SLC24A2: variants seen among roughly 807,000 people sequenced by gnomAD.
The protein encoded by SLC24A2 is solute carrier family 24 member 2.
SLC24A2 carries 36 observed loss-of-function variants against 62.0 expected under a neutral mutation model. That is an observed-to-expected ratio of 0.58 (90% CI 0.44 to 0.77). The LOEUF (loss-of-function observed/expected upper bound fraction) is 0.77. Ranked by LOEUF, SLC24A2 falls within the 30% of genes least tolerant of loss-of-function variation. The pLI is 0.00. For synonymous variants in SLC24A2, 358 were observed against 294.0 expected (o/e 1.22, Z -2.23); for missense variants, 846 against 817.9 (o/e 1.03, Z -0.42).
chr9:20,204,928 G>A, the SLC24A2 span, among the ~76,000 whole-genome samples: 1 of 151,732 alleles, frequency 6.6e-6, no homozygotes. Flanking sequence ...TCTATTTTTA[G>A]TACAGACGGG....
the SLC24A2 span, chr9:19,929,472 A>C: frequency 6.6e-6 from 1 of 152,200 alleles, no homozygotes; most frequent in Non-Finnish European, 1.5e-5. Context: ...CAGGACCTGA[A>C]AATATCCTAT....
rs1213523344 is a variant in SLC24A2, at chr9:19,610,370, T to C, written c.1078+9214A>G. Among the ~76,000 whole-genome samples the C allele has an allele frequency of 2.6e-5, 4 of 152,330 alleles. No homozygotes were observed. In the East Asian group the frequency reaches 5.8e-4, roughly 22 times the overall value. On this transcript the variant is annotated intron_variant, in intron 4 of 10. Coordinates refer to ENST00000341998, the MANE Select transcript of SLC24A2 (RefSeq NM_020344.4). ...TTGATTTTGTAAAAGGAATGAATGGTTAAAACAATAAACATCTTAGCTTCT... is the reference window on the plus strand; with the variant it reads ...TTGATTTTGTAAAAGGAATGAATGGCTAAAACAATAAACATCTTAGCTTCT...
chr9:19,718,037 C>T (rs1187586736), intron 2 of SLC24A2, among the ~76,000 whole-genome samples: 15 of 144,548 alleles, frequency 1.0e-4, no homozygotes, highest in East Asian at 6.2e-4. Flanking sequence ...AGTGCAGTGG[C>T]GCAATCTCAG....
At chr9:19,848,310 C>T in the SLC24A2 span, among the ~76,000 whole-genome samples, 10 of 152,204 alleles carry the variant, frequency 6.6e-5, no homozygotes, top group Middle Eastern at 3.4e-3. Context: ...GAAAATATTA[C>T]GCTAAACATT....
chr9:19,532,757 T>G (rs1833769628), intron 8 of SLC24A2, among the ~76,000 whole-genome samples: 1 of 152,192 alleles, frequency 6.6e-6, no homozygotes, highest in South Asian at 2.1e-4. Flanking sequence ...GCTTGGCACA[T>G]AGTAGACACT....
chr9:19,700,523 C>G (rs559892042), intron 2 of SLC24A2, among the ~76,000 whole-genome samples: 1 of 152,244 alleles, frequency 6.6e-6, no homozygotes, highest in African/African-American at 2.4e-5. Flanking sequence ...ACAAAGTAAG[C>G]AGAACTTGGG....
chr9:20,014,167 C>G, the SLC24A2 span, among the ~76,000 whole-genome samples: 1 of 152,170 alleles, frequency 6.6e-6, no homozygotes, highest in Non-Finnish European at 1.5e-5. Context: ...ATGATCATGC[C>G]ACTGCATGCC....
chr9:19,579,607 C>T (rs1054219572), intron 5 of SLC24A2, among the ~76,000 whole-genome samples: 1 of 152,108 alleles, frequency 6.6e-6, no homozygotes, highest in Non-Finnish European at 1.5e-5. Flanking sequence ...TCAATATTTG[C>T]TATTGGAAAA....
chr9:19,663,236 G>T (rs2118255194), intron 2 of SLC24A2, among the ~76,000 whole-genome samples: 1 of 152,322 alleles, frequency 6.6e-6, no homozygotes, highest in East Asian at 1.9e-4. Flanking sequence ...GCTCAAGGCT[G>T]CACAGCTAGT....
chr9:19,714,339 G>T (rs367667421), intron 2 of SLC24A2, among the ~76,000 whole-genome samples: 2 of 152,104 alleles, frequency 1.3e-5, no homozygotes, highest in East Asian at 3.9e-4. Flanking sequence ...AACCATAAAG[G>T]CAGCATCCCA....
At chr9:19,978,753 G>A in the SLC24A2 span, among the ~76,000 whole-genome samples, 4 of 152,216 alleles carry the variant, frequency 2.6e-5, no homozygotes, top group Non-Finnish European at 4.4e-5. Flanking sequence ...GCAGAATTGA[G>A]GTGATTGAAG....
chr9:19,734,190 A>G (rs971162226), intron 2 of SLC24A2, among the ~76,000 whole-genome samples: 2 of 152,042 alleles, frequency 1.3e-5, no homozygotes, highest in South Asian at 2.1e-4. Flanking sequence ...AAGATCAGAT[A>G]GTTGTAGATA....
chr9:19,844,651 G>T, the SLC24A2 span, among the ~76,000 whole-genome samples: 1 of 151,870 alleles, frequency 6.6e-6, no homozygotes, highest in Non-Finnish European at 1.5e-5. Flanking sequence ...ATATTTTGAC[G>T]TCTTACATTT....
At chr9:20,054,092 G>T in the SLC24A2 span, among the ~76,000 whole-genome samples, 31 of 152,138 alleles carry the variant, frequency 2.0e-4, no homozygotes, top group African/African-American at 7.2e-4. Flanking sequence ...AATTTCAATA[G>T]TCTTGGGGAA....
the SLC24A2 span, among the ~76,000 whole-genome samples, chr9:20,277,035 T>C: frequency 6.6e-6 from 1 of 152,206 alleles, no homozygotes; most frequent in African/African-American, 2.4e-5. Flanking sequence ...ATGTTCCCCA[T>C]TGTCTTGGCG....
At chr9:19,843,681 C>T in the SLC24A2 span, among the ~76,000 whole-genome samples, 9 of 152,074 alleles carry the variant, frequency 5.9e-5, no homozygotes, top group African/African-American at 2.2e-4. Flanking sequence ...CCCATCCATC[C>T]CTCCCTATTC....
intron 4 of SLC24A2, among the ~76,000 whole-genome samples, chr9:19,598,867 T>C (rs1160006748): frequency 6.6e-6 from 1 of 152,166 alleles, no homozygotes; most frequent in Non-Finnish European, 1.5e-5. Flanking sequence ...TGGAGTAGAT[T>C]AACAAATCAC....
At chr9:19,901,735 G>A in the SLC24A2 span, among the ~76,000 whole-genome samples, 2 of 152,154 alleles carry the variant, frequency 1.3e-5, no homozygotes, top group African/African-American at 2.4e-5. Flanking sequence ...CAAGTGTGCA[G>A]ACTCTCTAAA....
the SLC24A2 span, among the ~76,000 whole-genome samples, chr9:20,142,796 G>A: frequency 3.3e-5 from 5 of 151,932 alleles, no homozygotes; most frequent in African/African-American, 1.2e-4. Context: ...GGGTTTCACC[G>A]TGTTGGTCAG....
Sources: gnomAD v4.1 joint callset for allele counts (sites outside exome capture counted in the v4.1 genomes callset) on GRCh38, gnomAD v4.1.1 for gene constraint, MANE v1.5 for transcripts, NCBI Gene and HGNC (gene_info 2026-07-23, HGNC 2026-07-21) for gene names.